CACNA2D1: variants seen among roughly 807,000 people sequenced by gnomAD.
CACNA2D1 encodes the protein calcium voltage-gated channel auxiliary subunit alpha2delta 1, also known as voltage-dependent calcium channel subunit alpha-2/delta-1.
CACNA2D1 carries 53 observed loss-of-function variants against 171.5 expected under a neutral mutation model. The observed-to-expected ratio is 0.31, with a 90% CI of 0.25 to 0.39. The LOEUF (loss-of-function observed/expected upper bound fraction) is 0.39. CACNA2D1 is among the 10% of genes least tolerant of loss of function. The pLI, the probability that CACNA2D1 is intolerant of heterozygous loss-of-function variation, is 1.00. For synonymous variants in CACNA2D1, 442 were observed against 443.1 expected (o/e 1.00, Z 0.03); for missense variants, 903 against 1,299.8 (o/e 0.69, Z 4.69).
chr7:82,309,544 T>TTTAAG (rs1563346139), intron 3 of CACNA2D1, among the ~76,000 whole-genome samples: 2 of 152,242 alleles, frequency 1.3e-5, no homozygotes, highest in African/African-American at 4.8e-5. Flanking sequence ...ATGAAACTGC[T>TTTAAG]GCCTCTGTAA....
At chr7:82,176,957 A>G (rs962654980) in intron 3 of CACNA2D1, among the ~76,000 whole-genome samples, 8 of 151,958 alleles carry the variant, frequency 5.3e-5, no homozygotes, top group Non-Finnish European at 1.0e-4. Flanking sequence ...TGCCACATGG[A>G]GAATACATTT....
rs1035241865 is a variant in CACNA2D1, at chr7:81,950,205, G to A, written c.*187C>T. ...TGATGCAGCATTCACACACGTTTAA[G>A]GATCTGACACCCTGACATGCAGCCA... On this transcript the variant is annotated 3_prime_UTR_variant, in exon 39 of 39. Coordinates refer to ENST00000356860, the MANE Select transcript of CACNA2D1 (RefSeq NM_000722.4). 8.3e-6 allele frequency: 8 copies of A among 961,114 alleles called. No homozygotes were observed. The highest frequency in any genetic ancestry group is 3.3e-4 in the Middle Eastern group (1 of 3,040). 59.5% of individuals were successfully genotyped at this position (961,114 alleles called of 1,614,324 possible).
intron 15 of CACNA2D1, among the ~76,000 whole-genome samples, chr7:82,011,403 C>G (rs1221152266): frequency 6.6e-6 from 1 of 152,160 alleles, no homozygotes; most frequent in Non-Finnish European, 1.5e-5. Context: ...CAACCCCTCC[C>G]CTCAAGCCAT....
chr7:81,987,080 G>A (rs1240189234), intron 21 of CACNA2D1, among the ~76,000 whole-genome samples: 5 of 152,140 alleles, frequency 3.3e-5, no homozygotes, highest in African/African-American at 1.2e-4. Context: ...AGGAAGAAAA[G>A]AGAAGTTTTA....
At chr7:81,967,444 A>G in intron 30 of CACNA2D1, 152 bp downstream of exon 30, 1 of 639,730 alleles carries the variant, frequency 1.6e-6, no homozygotes, top group Non-Finnish European at 2.8e-6. Context: ...TAATTTAAAC[A>G]AAAAAAGCTT....
intron 3 of CACNA2D1, among the ~76,000 whole-genome samples, chr7:82,172,427 A>G (rs1467745507): frequency 6.6e-6 from 1 of 151,362 alleles, no homozygotes; most frequent in Non-Finnish European, 1.5e-5. Flanking sequence ...AGAAGATAGA[A>G]TGAGAAAATA....
intron 3 of CACNA2D1, among the ~76,000 whole-genome samples, chr7:82,208,949 AT>A (rs886324730): frequency 1.3e-5 from 2 of 152,190 alleles, no homozygotes; most frequent in African/African-American, 2.4e-5. Context: ...GATATATACA[AT>A]TTTTATTTGT....
chr7:82,024,060 AG>A (rs931858834), intron 12 of CACNA2D1, among the ~76,000 whole-genome samples: 1 of 151,802 alleles, frequency 6.6e-6, no homozygotes, highest in African/African-American at 2.4e-5. Flanking sequence ...TCATCTGTCA[AG>A]GAACATTAAG....
At chr7:82,037,757 A>T (rs1803484574) in intron 11 of CACNA2D1, among the ~76,000 whole-genome samples, 1 of 152,192 alleles carries the variant, frequency 6.6e-6, no homozygotes, top group Non-Finnish European at 1.5e-5. Flanking sequence ...GGTGATTGAG[A>T]TAAGAAAAAG....
At chr7:82,345,978 C>T (rs919898923) in intron 2 of CACNA2D1, among the ~76,000 whole-genome samples, 1 of 152,092 alleles carries the variant, frequency 6.6e-6, no homozygotes, top group African/African-American at 2.4e-5. Flanking sequence ...CACATGGCTG[C>T]TCAGAAAAAG....
Position 81,949,113 on chromosome 7 carries a change from G to C in CACNA2D1, c.*1279C>G, listed in dbSNP as rs1792273859. On this transcript the variant is annotated 3_prime_UTR_variant, in exon 39 of 39. Transcript: ENST00000356860. ...CAGCAGTAGCAGGAACTTTTGGATT[G>C]TATGTGCTACTATTGAAACGAACAA... 6.6e-6 allele frequency: 1 copy of C among 151,994 alleles called. No homozygotes were observed. The highest frequency in any genetic ancestry group is 1.5e-5 in the Non-Finnish European group (1 of 67,930). The allele number at this position is 151,994 out of a possible 1,614,324, so 9.4% of individuals were successfully genotyped here. A position where few individuals can be genotyped will look rare whatever the true frequency, so the allele number is the denominator to read the frequency against.
At position 82,207,083 on chromosome 7, in the gene CACNA2D1, C is replaced by T. The variant is rs187407073; in HGVS notation, c.295-36474G>A. On this transcript the variant is annotated intron_variant, in intron 3 of 38. Transcript: ENST00000356860. ...AAGATTTTTAGGCAGAACAAGTCCT[C>T]TTCTATGGGAGTATCCCTGGCCCCA... Among the ~76,000 whole-genome samples, 426 of 152,306 alleles carry T rather than the reference C, an allele frequency of 2.8e-3. 4 individuals carry two copies. Among genetic ancestry groups the T allele is most frequent in the Non-Finnish European group, 2.8e-3 (192 of 68,018 alleles).
chr7:82,290,659 T>G (rs1028143855), intron 3 of CACNA2D1, among the ~76,000 whole-genome samples: 2 of 151,164 alleles, frequency 1.3e-5, no homozygotes, highest in African/African-American at 4.9e-5. Flanking sequence ...TGCAATGGCA[T>G]GATCTCGGCT....
intron 15 of CACNA2D1, among the ~76,000 whole-genome samples, chr7:82,011,884 TG>T (rs1275432828): frequency 6.6e-6 from 1 of 152,300 alleles, no homozygotes; most frequent in East Asian, 1.9e-4. Context: ...GAAATGCCCA[TG>T]TATTCAACAT....
At chr7:82,349,782 C>T (rs939867805) in intron 1 of CACNA2D1, 133 bp from the exon 2 acceptor site, 8 of 744,194 alleles carry the variant, frequency 1.1e-5, no homozygotes, top group East Asian at 5.3e-5. Context: ...CTAGCACCGA[C>T]TATGTCCACC....
At chr7:82,064,196 T>C (rs768406909) in intron 9 of CACNA2D1, 108 bp downstream of exon 9, 8 of 672,806 alleles carry the variant, frequency 1.2e-5, no homozygotes, top group Non-Finnish European at 2.1e-5. Flanking sequence ...TAATTTTTCT[T>C]TGTTTCTTTT....
In CACNA2D1 at chr7:81,949,384, C is replaced by G. The variant is rs909522181; in HGVS notation, c.*1008G>C. On this transcript the variant is annotated 3_prime_UTR_variant, in exon 39 of 39. Transcript: ENST00000356860. ...TAAAGATGACTTAAGTGCATTTACACTGCAAGGTTCAGATTCTTACATAAC... is the reference window on the plus strand; with the variant it reads ...TAAAGATGACTTAAGTGCATTTACAGTGCAAGGTTCAGATTCTTACATAAC... 6.6e-5 allele frequency: 10 copies of G among 152,156 alleles called. No individual in the cohort carries two copies. Among genetic ancestry groups the G allele is most frequent in the African/African-American group, 2.4e-4 (10 of 41,550 alleles). The allele number at this position is 152,156 out of a possible 1,614,324, so 9.4% of individuals were successfully genotyped here.
intron 3 of CACNA2D1, among the ~76,000 whole-genome samples, chr7:82,316,901 C>T (rs1246029622): frequency 6.6e-6 from 1 of 152,136 alleles, no homozygotes; most frequent in Non-Finnish European, 1.5e-5. Flanking sequence ...ATTATTTCCA[C>T]CTGGCCTCAC....
intron 3 of CACNA2D1, among the ~76,000 whole-genome samples, chr7:82,194,084 G>C (rs1798610899): frequency 6.6e-6 from 1 of 151,934 alleles, no homozygotes; most frequent in African/African-American, 2.4e-5. Context: ...AATTTCTAAA[G>C]CTAAATGACT....
Sources: allele counts gnomAD v4.1 joint callset (sites outside exome capture counted in the v4.1 genomes callset), GRCh38; gene constraint gnomAD v4.1.1; transcripts MANE v1.5; gene names NCBI Gene and HGNC (gene_info 2026-07-23, HGNC 2026-07-21).